The following HHLA1 variants were observed in gnomAD, a reference collection of about 807,000 sequenced individuals.
HHLA1 encodes HERV-H LTR-associating protein 1.
Under a neutral mutation model 69.9 loss-of-function variants are expected in HHLA1, and 72 were observed. That is an observed-to-expected ratio of 1.03 (90% CI 0.85 to 1.25). The LOEUF is 1.25. Ranked by LOEUF, HHLA1 falls within the 50% of genes most tolerant of loss-of-function variation. HHLA1 has a pLI of 0.00. For missense variants in HHLA1, 685 were observed against 642.2 expected (o/e 1.07, Z -0.72); for synonymous variants, 252 against 233.2 (o/e 1.08, Z -0.73).
At chr8:132,075,879 A>G (rs963732632) in intron 14 of HHLA1, among the ~76,000 whole-genome samples, 176 bp downstream of exon 14, 4 of 152,192 alleles carry the variant, frequency 2.6e-5, no homozygotes, top group African/African-American at 9.6e-5. Context: ...AGTTGAGGGA[A>G]CTGAATCTTG....
At chr8:132,098,794 G>A in intron 5 of HHLA1, 88 bp downstream of exon 5, 1 of 782,962 alleles carries the variant, frequency 1.3e-6, no homozygotes. Flanking sequence ...GAAGTGAAGT[G>A]TCTTGTCAAG....
At chr8:132,073,734 C>G (rs1740523191) in intron 14 of HHLA1, among the ~76,000 whole-genome samples, 1 of 152,152 alleles carries the variant, frequency 6.6e-6, no homozygotes, top group Admixed American at 6.5e-5. Flanking sequence ...TTCTCTAACT[C>G]AGGAAATGAC....
chr8:132,082,968 T>C (rs9802024), intron 10 of HHLA1, among the ~76,000 whole-genome samples: 118,764 of 146,630 alleles, frequency 0.81, 48,402 homozygotes, highest in South Asian at 0.9. Context: ...AAGCGTGCTG[T>C]GGGATGGGAT....
At chr8:132,106,653 C>A (rs981246064) in intron 1 of HHLA1, among the ~76,000 whole-genome samples, 1 of 152,194 alleles carries the variant, frequency 6.6e-6, no homozygotes, top group African/African-American at 2.4e-5. Context: ...AGGCTGGAGA[C>A]ACAGGGACAG....
chr8:132,096,301 G>A (rs1033781127), intron 5 of HHLA1, among the ~76,000 whole-genome samples: 2 of 152,100 alleles, frequency 1.3e-5, no homozygotes, highest in Admixed American at 1.3e-4. Context: ...TGTCTCCTTT[G>A]CCTCTTTCTT....
chr8:132,106,458 C>T (rs1824203591), intron 1 of HHLA1, among the ~76,000 whole-genome samples: 1 of 152,192 alleles, frequency 6.6e-6, no homozygotes, highest in Non-Finnish European at 1.5e-5. Context: ...GAAGCTGGGG[C>T]TTTCGTGGAA....
rs1823365789 is a variant in HHLA1, at chr8:132,062,249, T to TG, written c.*1745dup. ...TCATGATAATATACATTTATGAGCT[T>TG]GACATTTGCATAACTTGGAGAGTCT... is the stretch of plus-strand genomic sequence containing the variant. On this transcript the variant is annotated 3_prime_UTR_variant, in exon 17 of 17. Transcript: ENST00000414222. 6.6e-6 allele frequency: 1 copy of TG among 152,246 alleles called. No individual in the cohort carries two copies. The highest frequency in any genetic ancestry group is 6.5e-5 in the Admixed American group (1 of 15,286). 9.4% of individuals were successfully genotyped at this position (152,246 alleles called of 1,614,324 possible). A position where few individuals can be genotyped will look rare whatever the true frequency, so the allele number is the denominator to read the frequency against.
intron 3 of HHLA1, among the ~76,000 whole-genome samples, chr8:132,101,634 A>T (rs908247747): frequency 1.3e-5 from 2 of 150,030 alleles, no homozygotes; most frequent in Non-Finnish European, 3.0e-5. Flanking sequence ...GCTGGAGTGC[A>T]GTGGCGTGAT....
chr8:132,062,983 G>A lies in HHLA1; in HGVS notation c.*1012C>T, dbSNP rs554600434. On this transcript the variant is annotated 3_prime_UTR_variant, in exon 17 of 17. Transcript: ENST00000414222. ...TGCAGTATCAGCTTGACCTCTAGAG[G>A]GACTGGAGACTGAATAACTAAGTTT... 5.3e-5 allele frequency: 8 copies of A among 152,212 alleles called. No homozygotes were observed. The highest frequency in any genetic ancestry group is 1.9e-4 in the African/African-American group (8 of 41,494). The allele number at this position is 152,212 out of a possible 1,614,324, so 9.4% of individuals were successfully genotyped here. A position where few individuals can be genotyped will look rare whatever the true frequency, so the allele number is the denominator to read the frequency against.
chr8:132,082,909 A>T (rs1326217789), intron 10 of HHLA1, among the ~76,000 whole-genome samples: 2 of 151,924 alleles, frequency 1.3e-5, no homozygotes, highest in South Asian at 4.2e-4. Context: ...TATAGGGTTT[A>T]AAAGGCCATG....
At chr8:132,110,129 G>T (rs769346496) in intron 1 of HHLA1, among the ~76,000 whole-genome samples, 5 of 152,196 alleles carry the variant, frequency 3.3e-5, no homozygotes, top group Middle Eastern at 3.2e-3. Context: ...ACTGAACTCT[G>T]CAGCCAAAAG....
intron 14 of HHLA1, among the ~76,000 whole-genome samples, chr8:132,073,171 G>A (rs746349003): frequency 2.0e-5 from 3 of 152,004 alleles, no homozygotes; most frequent in Non-Finnish European, 2.9e-5. Flanking sequence ...TAGAGATGGG[G>A]CCTTGCTATG....
intron 7 of HHLA1, among the ~76,000 whole-genome samples, chr8:132,093,631 C>A (rs1823977440): frequency 6.6e-6 from 1 of 152,040 alleles, no homozygotes; most frequent in Non-Finnish European, 1.5e-5. Flanking sequence ...AGATAATGAT[C>A]CATGGATCAT....
In HHLA1 at chr8:132,077,988, A is replaced by T. The variant is rs1036423633; in HGVS notation, c.926-17T>A. 13 of 1,551,406 alleles carry T rather than the reference A, an allele frequency of 8.4e-6. No individual in the cohort carries two copies. Among genetic ancestry groups the T allele is most frequent in the Non-Finnish European group, 1.1e-5 (13 of 1,146,720 alleles). ...TCCTGGTAGCTGCACATTCAAAGTGACAGTAACAGGGTACAGACATGCTTG... is the reference window on the plus strand; with the variant it reads ...TCCTGGTAGCTGCACATTCAAAGTGTCAGTAACAGGGTACAGACATGCTTG... On this transcript the variant is annotated splice_polypyrimidine_tract_variant and intron_variant, in intron 11 of 16. Transcript: ENST00000414222.
At chr8:132,081,184 G>A (rs1823747130) in intron 10 of HHLA1, 1 of 152,168 alleles carries the variant, frequency 6.6e-6, no homozygotes, top group African/African-American at 2.4e-5. Flanking sequence ...GTGTAAACAA[G>A]AGCAGGGCAT....
At position 132,079,744 on chromosome 8, in the gene HHLA1, C is replaced by G. The variant is rs183276434; in HGVS notation, c.899G>C (p.Ser300Thr). 1.2e-5 allele frequency: 18 copies of G among 1,551,178 alleles called. No individual in the cohort carries two copies. The Admixed American group carries it at 3.5e-4, about 30-fold the overall frequency. ...CAAGGCTGGGAGAGTGTGGGAGGCACTGAACCATGTGGCTGTGGCCCTGGC... is the reference window on the plus strand; with the variant it reads ...CAAGGCTGGGAGAGTGTGGGAGGCAGTGAACCATGTGGCTGTGGCCCTGGC... Reference protein sequence around the residue: ...LPARATATWFSASHTLPALAT... With the variant: ...LPARATATWFTASHTLPALAT... Residue 300 changes from serine to threonine, a missense_variant, in exon 11 of 17, where the codon AGT becomes ACT. Physicochemically the swap from Ser to Thr is moderately conservative, Grantham distance 58 (BLOSUM62 1). Coordinates refer to ENST00000414222, the MANE Select transcript of HHLA1 (RefSeq NM_001145095.3).
At chr8:132,076,439 A>AACCCCC in intron 13 of HHLA1, 36 bp downstream of exon 13, 1 of 291,760 alleles carries the variant, frequency 3.4e-6, no homozygotes, top group South Asian at 3.4e-5. Context: ...CCCATCCCCC[A>AACCCCC]CCCCCAAACC....
intron 10 of HHLA1, chr8:132,080,637 G>C (rs1260613759): frequency 3.2e-5 from 5 of 157,360 alleles, no homozygotes; most frequent in African/African-American, 1.2e-4. Flanking sequence ...TGGGCGTATA[G>C]GTGCAAGTCA....
At chr8:132,078,171 A>AACACACACACAC (rs34612835) in intron 11 of HHLA1, among the ~76,000 whole-genome samples, 200 bp from the exon 12 acceptor site, 6 of 144,510 alleles carry the variant, frequency 4.2e-5, no homozygotes, top group Non-Finnish European at 7.6e-5. Flanking sequence ...AGCACCAATA[A>AACACACACACAC]ACACACACAC....
Sources: allele counts gnomAD v4.1 joint callset (sites outside exome capture counted in the v4.1 genomes callset), GRCh38; gene constraint gnomAD v4.1.1; transcripts MANE v1.5; gene names NCBI Gene and HGNC (gene_info 2026-07-23, HGNC 2026-07-21).